The following EPB41L2 variants were observed in gnomAD, a reference collection of about 807,000 sequenced individuals.
EPB41L2 encodes the protein band 4.1-like protein 2.
In EPB41L2, 43 loss-of-function variants were observed where a neutral mutation model predicts 113.0. The observed-to-expected ratio is 0.38, with a 90% CI of 0.30 to 0.49. The LOEUF is 0.49. EPB41L2 is among the 20% of genes least tolerant of loss of function. The pLI is 0.95. For synonymous variants in EPB41L2, 442 were observed against 436.7 expected (o/e 1.01, Z -0.15); for missense variants, 1,147 against 1,223.4 (o/e 0.94, Z 0.93).
At chr6:130,891,411 C>T (rs1035393123) in intron 10 of EPB41L2, among the ~76,000 whole-genome samples, 7 of 129,740 alleles carry the variant, frequency 5.4e-5, no homozygotes, top group Admixed American at 4.1e-4. Flanking sequence ...AGGGTGTCAG[C>T]TTTATTTATT....
chr6:130,981,952 G>C (rs1357137501), intron 1 of EPB41L2, among the ~76,000 whole-genome samples: 2 of 151,854 alleles, frequency 1.3e-5, no homozygotes, highest in Non-Finnish European at 2.9e-5. Flanking sequence ...CAGGAAATTT[G>C]AATTTATTAT....
chr6:130,947,759 G>T (rs1339297579), intron 3 of EPB41L2, among the ~76,000 whole-genome samples: 1 of 152,146 alleles, frequency 6.6e-6, no homozygotes, highest in Non-Finnish European at 1.5e-5. Context: ...ACAAGAACAG[G>T]TCTGATGAGT....
Position 130,899,479 on chromosome 6 carries a change from C to T in EPB41L2, c.1236+12G>A. 1 of 1,610,516 alleles carries T rather than the reference C, an allele frequency of 6.2e-7. No individual in the cohort carries two copies. The highest frequency in any genetic ancestry group is 1.1e-5 in the South Asian group (1 of 90,956). On this transcript the variant is annotated intron_variant, in intron 8 of 19. Transcript: ENST00000337057. ...ACTACTATGATGCTACTCCCCGTTACATTTACAGTACCTTGGCATGATGTA... is the reference window on the plus strand; with the variant it reads ...ACTACTATGATGCTACTCCCCGTTATATTTACAGTACCTTGGCATGATGTA...
chr6:130,913,813 A>C (rs1800139454), intron 4 of EPB41L2, among the ~76,000 whole-genome samples: 1 of 152,186 alleles, frequency 6.6e-6, no homozygotes, highest in African/African-American at 2.4e-5. Context: ...TAAATACAGT[A>C]AATAATAAAA....
At chr6:130,959,910 T>G (rs1231211341) in intron 1 of EPB41L2, among the ~76,000 whole-genome samples, 1 of 152,192 alleles carries the variant, frequency 6.6e-6, no homozygotes. Flanking sequence ...ACCAATCAAC[T>G]AAGGCTGATT....
intron 1 of EPB41L2, among the ~76,000 whole-genome samples, chr6:131,004,102 G>A (rs1784934162): frequency 6.6e-6 from 1 of 152,196 alleles, no homozygotes; most frequent in Admixed American, 6.5e-5. Flanking sequence ...TGGCAGGCCT[G>A]TGAACGACTT....
chr6:130,971,435 T>C (rs991765094), intron 1 of EPB41L2, among the ~76,000 whole-genome samples: 1 of 152,206 alleles, frequency 6.6e-6, no homozygotes, highest in Non-Finnish European at 1.5e-5. Flanking sequence ...CATATTCAAA[T>C]GGCCACTATC....
At chr6:130,873,264 T>A (rs776383962) in intron 14 of EPB41L2, among the ~76,000 whole-genome samples, 9 of 152,312 alleles carry the variant, frequency 5.9e-5, no homozygotes, top group Non-Finnish European at 1.2e-4. Flanking sequence ...ATGAGCAACG[T>A]GAAAATTATT....
intron 16 of EPB41L2, among the ~76,000 whole-genome samples, chr6:130,866,895 C>T (rs901981283): frequency 6.6e-6 from 1 of 152,100 alleles, no homozygotes; most frequent in Admixed American, 6.5e-5. Flanking sequence ...TATCACCATT[C>T]ACATATGAAT....
intron 4 of EPB41L2, among the ~76,000 whole-genome samples, chr6:130,913,592 C>A (rs1003393411): frequency 6.6e-6 from 1 of 152,082 alleles, no homozygotes; most frequent in South Asian, 2.1e-4. Context: ...TTCCTCTCCA[C>A]GCTGTGATCA....
intron 3 of EPB41L2, among the ~76,000 whole-genome samples, chr6:130,939,284 C>T (rs1187501739): frequency 6.6e-6 from 1 of 151,018 alleles, no homozygotes; most frequent in African/African-American, 2.4e-5. Context: ...GGCTGAGTCT[C>T]ACTCTATCAC....
intron 1 of EPB41L2, among the ~76,000 whole-genome samples, chr6:130,959,648 T>G (rs1818676278): frequency 6.6e-6 from 1 of 152,186 alleles, no homozygotes; most frequent in Non-Finnish European, 1.5e-5. Context: ...GTAAACTGGC[T>G]CCATATTGCA....
chr6:131,057,877 A>T (rs1797896796), intron 1 of EPB41L2, among the ~76,000 whole-genome samples: 1 of 152,220 alleles, frequency 6.6e-6, no homozygotes, highest in South Asian at 2.1e-4. Context: ...TGACAAAACC[A>T]CTTTGGGAGC....
intron 10 of EPB41L2, among the ~76,000 whole-genome samples, chr6:130,893,400 G>A (rs1276109032): frequency 1.3e-5 from 2 of 152,130 alleles, no homozygotes; most frequent in Admixed American, 6.5e-5. Context: ...AAGGGAAGGT[G>A]CATGAAACCA....
intron 1 of EPB41L2, among the ~76,000 whole-genome samples, chr6:131,039,290 A>G (rs1793971360): frequency 6.6e-6 from 1 of 152,196 alleles, no homozygotes; most frequent in Non-Finnish European, 1.5e-5. Context: ...TTGTAACTGT[A>G]AAATACGTGG....
At chr6:130,938,395 T>A (rs1213369604) in intron 3 of EPB41L2, among the ~76,000 whole-genome samples, 2 of 152,150 alleles carry the variant, frequency 1.3e-5, no homozygotes, top group African/African-American at 4.8e-5. Context: ...GACAACAAGG[T>A]CTTTGTTCAC....
At chr6:131,057,746 G>A (rs1414813434) in intron 1 of EPB41L2, among the ~76,000 whole-genome samples, 1 of 152,218 alleles carries the variant, frequency 6.6e-6, no homozygotes, top group Admixed American at 6.5e-5. Flanking sequence ...ATTCTTTCAT[G>A]AAGGTTGATG....
Position 130,955,129 on chromosome 6 carries a change from G to C in EPB41L2, c.681C>G (p.Gly227=). The part of the protein sequence containing the change: ...TVQCKVTLLD[G]TEYSCDLEKH... The stretch of plus-strand genomic sequence containing the variant: ...CCTCCAGGTCACAGCTGTATTCGGT[G>C]CCATCTAAGAGGGTCACTTTACACT... The change falls in exon 3 of 20, where the codon GGC becomes GGG. Residue 227 remains glycine (G), a synonymous_variant. Transcript: ENST00000337057. The C allele has an allele frequency of 6.2e-7, 1 of 1,614,114 alleles. No individual in the cohort carries two copies. The highest frequency in any genetic ancestry group is 1.1e-5 in the South Asian group (1 of 91,074).
chr6:130,874,050 AC>A (rs1472032880), intron 14 of EPB41L2, among the ~76,000 whole-genome samples: 1 of 152,174 alleles, frequency 6.6e-6, no homozygotes, highest in Admixed American at 6.5e-5. Flanking sequence ...CCAATGACAT[AC>A]CTTCAAAAGT....
Sources: gnomAD v4.1 joint callset for allele counts (sites outside exome capture counted in the v4.1 genomes callset) on GRCh38, gnomAD v4.1.1 for gene constraint, MANE v1.5 for transcripts, NCBI Gene and HGNC (gene_info 2026-07-23, HGNC 2026-07-21) for gene names.